The following AGPAT3 variants were observed in gnomAD, a reference collection of about 807,000 sequenced individuals.
The protein encoded by AGPAT3 is 1-acyl-sn-glycerol-3-phosphate acyltransferase gamma.
Under a neutral mutation model 47.3 loss-of-function variants are expected in AGPAT3, and 5 were observed. The observed-to-expected ratio is 0.11, with a 90% CI of 0.06 to 0.22. The LOEUF (loss-of-function observed/expected upper bound fraction) is 0.22. Ranked by LOEUF, AGPAT3 falls within the 10% of genes least tolerant of loss-of-function variation. The pLI is 1.00. For missense variants in AGPAT3, 315 were observed against 493.0 expected, an observed-to-expected ratio of 0.64 and a Z score of 3.42; for synonymous variants, 212 against 208.3, an observed-to-expected ratio of 1.02 and a Z score of -0.15.
rs558613027 is a variant in AGPAT3 at position 43,934,911 on chromosome 21, C to T, written c.-48-24723C>T. ...ACTCACATGCCACCCATGCCACCCA[C>T]ACCACCTCTGCCCCTCACATGTCAC... On this transcript the variant is annotated intron_variant, in intron 2 of 9. Coordinates refer to ENST00000291572, the MANE Select transcript of AGPAT3 (RefSeq NM_020132.5). This position sits in a 1 kb window ranked among gnomAD's most constrained non-coding sequence, Gnocchi z 4.7. 4.0e-5 allele frequency among the ~76,000 whole-genome samples: 6 copies of T among 151,644 alleles called. No homozygotes were observed. Among genetic ancestry groups the T allele is most frequent in the African/African-American group, 1.5e-4 (6 of 41,338 alleles).
intron 1 of AGPAT3, among the ~76,000 whole-genome samples, chr21:43,868,999 A>G (rs1251361457): frequency 9.9e-5 from 15 of 152,144 alleles, no homozygotes; most frequent in Non-Finnish European, 1.0e-4. Flanking sequence ...ATAGATGAAA[A>G]TCTACATTTC....
intron 3 of AGPAT3, among the ~76,000 whole-genome samples, chr21:43,962,998 G>C (rs920245662): frequency 2.0e-5 from 3 of 152,092 alleles, no homozygotes; most frequent in African/African-American, 7.2e-5. Flanking sequence ...TATCAGATTA[G>C]ATACAGTTAA....
rs11911398 is a variant in AGPAT3 at position 43,985,093 on chromosome 21, C to G, written c.*2701C>G. The G allele has an allele frequency of 3.5e-5, 16 of 455,970 alleles. No homozygotes were observed. The highest frequency in any genetic ancestry group is 3.2e-4 in the African/African-American group (16 of 50,042). 28.2% of individuals were successfully genotyped at this position (455,970 alleles called of 1,614,324 possible). ...CCAGGCCCACCCACGGGCGTCTGGCCGGTCAAGCTCCCAGCCTGGGCCGTG... is the reference window on the plus strand; with the variant it reads ...CCAGGCCCACCCACGGGCGTCTGGCGGGTCAAGCTCCCAGCCTGGGCCGTG... On this transcript the variant is annotated 3_prime_UTR_variant, in exon 10 of 10. Coordinates refer to ENST00000291572, the MANE Select transcript of AGPAT3 (RefSeq NM_020132.5).
At chr21:43,937,031 A>G (rs1601355953) in intron 2 of AGPAT3, among the ~76,000 whole-genome samples, 4 of 152,348 alleles carry the variant, frequency 2.6e-5, no homozygotes, top group Admixed American at 2.6e-4. Context: ...TTTAAAAGGA[A>G]TTCTCCATTC....
intron 1 of AGPAT3, among the ~76,000 whole-genome samples, chr21:43,870,997 A>G (rs1030530650): frequency 6.6e-6 from 1 of 152,216 alleles, no homozygotes; most frequent in East Asian, 1.9e-4. Context: ...GAGTGACTCC[A>G]TCTTTAGTCT....
intron 2 of AGPAT3, among the ~76,000 whole-genome samples, chr21:43,940,934 C>T (rs117527949): frequency 0.011 from 1,661 of 152,276 alleles, 14 homozygotes; most frequent in Non-Finnish European, 0.018. Flanking sequence ...GCTGTGTCTC[C>T]GGGCTGGGAT....
Position 43,933,455 on chromosome 21 carries a change from C to T in AGPAT3, c.-48-26179C>T, listed in dbSNP as rs562648547. On this transcript the variant is annotated intron_variant, in intron 2 of 9. Coordinates refer to ENST00000291572, the MANE Select transcript of AGPAT3 (RefSeq NM_020132.5). The surrounding 1 kb of genome is among the most constrained non-coding windows in gnomAD (Gnocchi z 6.0). ...TTTAAAGCTCTGCCATCTGTTTTCT[C>T]CATGGGGAAAGGTTTGGGAATATCG... Among the ~76,000 whole-genome samples, 3 of 152,238 alleles carry T rather than the reference C, an allele frequency of 2.0e-5. No individual in the cohort carries two copies. The highest frequency in any genetic ancestry group is 3.4e-3 in the Middle Eastern group (1 of 294).
intron 1 of AGPAT3, among the ~76,000 whole-genome samples, chr21:43,894,527 A>G (rs990917127): frequency 6.6e-6 from 1 of 152,132 alleles, no homozygotes; most frequent in Non-Finnish European, 1.5e-5. Context: ...ATAAATTGGC[A>G]TATCTGTCAC....
chr21:43,960,628 A>G (rs906554369), intron 3 of AGPAT3: 1 of 372,510 alleles, frequency 2.7e-6, no homozygotes, highest in Non-Finnish European at 3.7e-6. Flanking sequence ...TATTATTTTT[A>G]TAGTAGCACA....
chr21:43,896,492 G>A (rs1452927933), intron 1 of AGPAT3, among the ~76,000 whole-genome samples: 1 of 152,216 alleles, frequency 6.6e-6, no homozygotes, highest in African/African-American at 2.4e-5. Flanking sequence ...TATACTAAGG[G>A]TCAGCAAACT....
At chr21:43,975,055 C>T (rs978299783) in intron 7 of AGPAT3, among the ~76,000 whole-genome samples, 6 of 151,774 alleles carry the variant, frequency 4.0e-5, no homozygotes, top group Non-Finnish European at 5.9e-5. Flanking sequence ...GTTGTGCACT[C>T]GCATGTGATG....
At chr21:43,944,284 T>G (rs2087784014) in intron 2 of AGPAT3, among the ~76,000 whole-genome samples, 2 of 152,138 alleles carry the variant, frequency 1.3e-5, no homozygotes, top group Non-Finnish European at 2.9e-5. Context: ...GGCCGCTGAG[T>G]GGTTCCCGGG....
At chr21:43,910,081 A>T (rs1047183240) in intron 2 of AGPAT3, among the ~76,000 whole-genome samples, 13 of 152,270 alleles carry the variant, frequency 8.5e-5, no homozygotes, top group Admixed American at 8.5e-4. Context: ...CGTGGCTGGG[A>T]TCCCCCTGTT....
intron 2 of AGPAT3, among the ~76,000 whole-genome samples, chr21:43,909,365 G>A (rs951599282): frequency 8.0e-5 from 12 of 150,730 alleles, no homozygotes; most frequent in Middle Eastern, 3.4e-3. Flanking sequence ...GCGTGATCTC[G>A]GCTCACCGCA....
In AGPAT3 at chr21:43,922,888, C is replaced by G. The variant is rs1220011142; in HGVS notation, c.-49+18869C>G. ...TGGCTGCCCAGTGGTGGTGGCAGAG[C>G]CAGCCTGGGGTCTGGGCATGGGGCG... is the stretch of plus-strand genomic sequence containing the variant. On this transcript the variant is annotated intron_variant, in intron 2 of 9. Transcript: ENST00000291572. This position sits in a 1 kb window ranked among gnomAD's most constrained non-coding sequence, Gnocchi z 4.9. Among the ~76,000 whole-genome samples the G allele has an allele frequency of 6.6e-6, 1 of 152,188 alleles. No homozygotes were observed. Among genetic ancestry groups the G allele is most frequent in the Non-Finnish European group, 1.5e-5 (1 of 68,016 alleles).
chr21:43,970,621 G>C lies in AGPAT3; in HGVS notation c.511-32G>C, dbSNP rs533600645. On this transcript the variant is annotated intron_variant, in intron 5 of 9. Transcript: ENST00000291572. The surrounding 1 kb of genome is among the most constrained non-coding windows in gnomAD (Gnocchi z 5.8). ...GACATGCACCCACCCCAGCTGCTCT[G>C]TGGAGTGACCCTGTCTCCGTGTTGA... The C allele has an allele frequency of 5.4e-5, 87 of 1,611,302 alleles. 1 individual carries two copies. In the East Asian group the frequency reaches 1.3e-3, roughly 25 times the overall value.
chr21:43,982,233 A>G lies in AGPAT3; in HGVS notation c.1043-71A>G. 1 of 1,169,302 alleles carries G rather than the reference A, an allele frequency of 8.6e-7. No individual in the cohort carries two copies. The allele number at this position is 1,169,302 out of a possible 1,614,324, so 72.4% of individuals were successfully genotyped here. ...GTCTGGGGCAGAGGAAGGAAGCCCC[A>G]GTAACACGTTTTACAGCAAAAAGGC... On this transcript the variant is annotated intron_variant, in intron 9 of 9. Coordinates refer to ENST00000291572, the MANE Select transcript of AGPAT3 (RefSeq NM_020132.5). The surrounding 1 kb of genome is among the most constrained non-coding windows in gnomAD (Gnocchi z 6.2).
At chr21:43,917,569 G>A (rs1165836644) in intron 2 of AGPAT3, among the ~76,000 whole-genome samples, 2 of 152,174 alleles carry the variant, frequency 1.3e-5, no homozygotes, top group East Asian at 3.9e-4. Context: ...TATAAAGAAA[G>A]TGACTTTATT....
At chr21:43,969,430 G>C (rs914170451) in intron 5 of AGPAT3, 151 bp downstream of exon 5, 1 of 1,038,496 alleles carries the variant, frequency 9.6e-7, no homozygotes, top group African/African-American at 1.6e-5. Flanking sequence ...TCCCCCATCT[G>C]AGCTGCAGGC....
Sources: allele counts gnomAD v4.1 joint callset (sites outside exome capture counted in the v4.1 genomes callset), GRCh38; gene constraint gnomAD v4.1.1; non-coding constraint Gnocchi (gnomAD v3.1); transcripts MANE v1.5; gene names NCBI Gene and HGNC (gene_info 2026-07-23, HGNC 2026-07-21).